SEPTIN2: variants seen among roughly 807,000 people sequenced by gnomAD.
SEPTIN2 encodes septin-2.
Under a neutral mutation model 46.5 loss-of-function variants are expected in SEPTIN2, and 34 were observed. The observed-to-expected ratio is 0.73, with a 90% confidence interval of 0.56 to 0.97. SEPTIN2 has a LOEUF of 0.97. Among genes scored for constraint, SEPTIN2 ranks in the 50% least tolerant of loss-of-function variants. The pLI, the probability that SEPTIN2 is intolerant of heterozygous loss-of-function variation, is 0.00. For synonymous variants in SEPTIN2, 175 were observed against 153.4 expected, an observed-to-expected ratio of 1.14 and a Z score of -1.04; for missense variants, 347 against 448.4, an observed-to-expected ratio of 0.77 and a Z score of 2.04.
intron 3 of SEPTIN2, among the ~76,000 whole-genome samples, chr2:241,326,338 G>A (rs1432865461): frequency 1.3e-5 from 2 of 152,192 alleles, no homozygotes; most frequent in Non-Finnish European, 2.9e-5. Flanking sequence ...TACTCATTGT[G>A]TCAGCTAGGC....
chr2:241,339,240 A>C (rs978976997), intron 7 of SEPTIN2, among the ~76,000 whole-genome samples: 1 of 151,226 alleles, frequency 6.6e-6, no homozygotes, highest in Non-Finnish European at 1.5e-5. Context: ...AAAAATTACA[A>C]AAGTTAGCCG....
rs528246163 is a variant in SEPTIN2, at chr2:241,352,876, A to G, written c.*939A>G. The G allele has an allele frequency of 6.6e-6, 1 of 152,342 alleles. No homozygotes were observed. The highest frequency in any genetic ancestry group is 2.4e-5 in the African/African-American group (1 of 41,576). The allele number at this position is 152,342 out of a possible 1,614,324, so 9.4% of individuals were successfully genotyped here. ...TCTATTCAGAATCAAACCTTTTTAT[A>G]TTTTATACTGCACTTTAGTGTATTT... is the stretch of plus-strand genomic sequence containing the variant. On this transcript the variant is annotated 3_prime_UTR_variant, in exon 13 of 13. Transcript: ENST00000391971.
At chr2:241,333,425 A>G (rs1403794588) in intron 3 of SEPTIN2, among the ~76,000 whole-genome samples, 1 of 152,224 alleles carries the variant, frequency 6.6e-6, no homozygotes, top group African/African-American at 2.4e-5. Flanking sequence ...GGCATGTTCA[A>G]CACATTGTTT....
At position 241,324,299 on chromosome 2, in the gene SEPTIN2, C is replaced by T. The variant is rs894257656; in HGVS notation, c.9+58C>T. On this transcript the variant is annotated intron_variant, in intron 2 of 12. Transcript: ENST00000391971. ...GGAGAAATTGCTTTATGTTTTCAGA[C>T]TGTTGACAGTCGGGACTTATATGAT... 5.0e-6 allele frequency: 7 copies of T among 1,403,138 alleles called. No individual in the cohort carries two copies. In the African/African-American group the frequency reaches 7.2e-5, roughly 14 times the overall value. 86.9% of individuals were successfully genotyped at this position (1,403,138 alleles called of 1,614,324 possible). A position where few individuals can be genotyped will look rare whatever the true frequency, so the allele number is the denominator to read the frequency against.
rs781588435 is a variant in SEPTIN2, at chr2:241,335,118, A to T, written c.131-8A>T. On this transcript the variant is annotated splice_polypyrimidine_tract_variant and splice_region_variant and intron_variant, in intron 3 of 12. Transcript: ENST00000391971. ...AGGTCATGACAAGGTTTTTCTTTTT[A>T]TTTAAAGGTGAATCAGGTCTAGGAA... The T allele has an allele frequency of 6.2e-7, 1 of 1,602,460 alleles. No homozygotes were observed. The highest frequency in any genetic ancestry group is 8.5e-7 in the Non-Finnish European group (1 of 1,170,460).
At position 241,337,740 on chromosome 2, in the gene SEPTIN2, G is replaced by A; in HGVS notation, c.544G>A (p.Ala182Thr). Reference protein sequence around the residue: ...HNKVNIVPVIAKADTLTLKER... With the variant: ...HNKVNIVPVITKADTLTLKER... ...CAAGGTGAATATTGTGCCTGTCATT[G>A]CAAAAGCTGACACTCTCACCCTGAA... Residue 182 changes from alanine (A) to threonine (T), a missense_variant, in exon 7 of 13, where the codon GCA (alanine) becomes ACA (threonine). Transcript: ENST00000391971. 1.2e-6 allele frequency: 2 copies of A among 1,614,036 alleles called. No homozygotes were observed. The highest frequency in any genetic ancestry group is 8.5e-7 in the Non-Finnish European group (1 of 1,179,988).
Position 241,335,174 on chromosome 2 carries a change from C to A in SEPTIN2, c.179C>A (p.Thr60Asn). The change falls in exon 4 of 13, where the codon ACT becomes AAT. Residue 60 changes from threonine (T) to asparagine (N), a missense_variant. Thr to Asn is a moderately conservative substitution (Grantham distance 65). Coordinates refer to ENST00000391971, the MANE Select transcript of SEPTIN2 (RefSeq NM_004404.5). ...ACTCTCATAAACAGCCTATTCCTAA[C>A]TGATCTGTACCCAGAAAGAGTCATA... ...KSTLINSLFL[T>N]DLYPERVIPG... The A allele has an allele frequency of 6.2e-7, 1 of 1,613,860 alleles. No individual in the cohort carries two copies. The highest frequency in any genetic ancestry group is 2.2e-5 in the East Asian group (1 of 44,872).
rs2060885124 is a variant in SEPTIN2, at chr2:241,352,889, C to G, written c.*952C>G. 1 of 152,114 alleles carries G rather than the reference C, an allele frequency of 6.6e-6. No homozygotes were observed. Among genetic ancestry groups the G allele is most frequent in the African/African-American group, 2.4e-5 (1 of 41,394 alleles). The allele number at this position is 152,114 out of a possible 1,614,324, so 9.4% of individuals were successfully genotyped here. ...AAACCTTTTTATATTTTATACTGCA[C>G]TTTAGTGTATTTTCTGTCACTGTAG... On this transcript the variant is annotated 3_prime_UTR_variant, in exon 13 of 13. Coordinates refer to ENST00000391971, the MANE Select transcript of SEPTIN2 (RefSeq NM_004404.5).
intron 7 of SEPTIN2, among the ~76,000 whole-genome samples, chr2:241,342,615 A>G (rs2081411055): frequency 7.1e-6 from 1 of 140,678 alleles, no homozygotes; most frequent in South Asian, 2.2e-4. Context: ...AGCTCACTGC[A>G]AGCTCCGCCT....
chr2:241,324,194 CTG>C lies in SEPTIN2; in HGVS notation c.-17-16_-17-15del, dbSNP rs751137815. ...ACTATGTATGTGCGTTTATGTGTGTCTGTGTGTTTTTTTTTTAACAGACGAAG... is the reference window on the plus strand; with the variant it reads ...ACTATGTATGTGCGTTTATGTGTGTCTGTGTTTTTTTTTTAACAGACGAAG... On this transcript the variant is annotated intron_variant, in intron 1 of 12. Transcript: ENST00000391971. The C allele has an allele frequency of 3.2e-5, 51 of 1,606,478 alleles. 1 individual carries two copies. Among genetic ancestry groups the C allele is most frequent in the African/African-American group, 1.9e-4 (14 of 74,424 alleles).
intron 11 of SEPTIN2, 92 bp from the exon 12 acceptor site, chr2:241,349,981 G>C: frequency 2.4e-6 from 3 of 1,252,642 alleles, no homozygotes; most frequent in Non-Finnish European, 3.4e-6. Flanking sequence ...GGAAGGTGTA[G>C]AAGTTGAAAT....
At chr2:241,317,682 T>G in intron 1 of SEPTIN2, 2 of 409,176 alleles carry the variant, frequency 4.9e-6, no homozygotes, top group South Asian at 2.0e-4. Flanking sequence ...GAGTGTTATG[T>G]GGGTATACTG....
At chr2:241,343,631 C>G in intron 8 of SEPTIN2, 121 bp from the exon 9 acceptor site, 1 of 1,083,922 alleles carries the variant, frequency 9.2e-7, no homozygotes, top group South Asian at 1.6e-5. Flanking sequence ...ATACCCCCAG[C>G]TTTCCAATTC....
At chr2:241,334,506 C>G (rs1299056291) in intron 3 of SEPTIN2, among the ~76,000 whole-genome samples, 1 of 152,160 alleles carries the variant, frequency 6.6e-6, no homozygotes, top group Admixed American at 6.5e-5. Flanking sequence ...GTCGTGTGAA[C>G]TCAACAAAGT....
At chr2:241,342,534 A>ATTTTTTTT (rs548033372) in intron 7 of SEPTIN2, among the ~76,000 whole-genome samples, 14 of 87,004 alleles carry the variant, frequency 1.6e-4, no homozygotes, top group Admixed American at 1.7e-4. Flanking sequence ...AGTTTTGTAA[A>ATTTTTTTT]TTTTTTTTTT....
chr2:241,348,728 C>CT (rs2060506687), intron 11 of SEPTIN2, among the ~76,000 whole-genome samples: 1 of 151,830 alleles, frequency 6.6e-6, no homozygotes, highest in South Asian at 2.1e-4. Flanking sequence ...ATATATTTAG[C>CT]TGAAAGACTT....
intron 7 of SEPTIN2, among the ~76,000 whole-genome samples, chr2:241,338,944 A>T (rs1420302538): frequency 4.1e-5 from 4 of 97,994 alleles, no homozygotes; most frequent in Non-Finnish European, 7.5e-5. Flanking sequence ...TATTATATAT[A>T]TTATATATAT....
intron 2 of SEPTIN2, 149 bp from the exon 3 acceptor site, chr2:241,325,844 G>A: frequency 1.6e-6 from 1 of 610,382 alleles, no homozygotes; most frequent in East Asian, 3.1e-5. Flanking sequence ...CTGGTTTTCT[G>A]ATAGAAGTAT....
rs565666592 is a variant in SEPTIN2, at chr2:241,344,758, C to G, written c.842+861C>G. Among the ~76,000 whole-genome samples the G allele has an allele frequency of 2.0e-5, 3 of 152,060 alleles. No homozygotes were observed. In the East Asian group the frequency reaches 5.8e-4, roughly 29 times the overall value. ...CACATATTGTAACATGCATACATTG[C>G]TTTTACTCTTGAAAAAAGAGGCTGA... is the stretch of plus-strand genomic sequence containing the variant. On this transcript the variant is annotated intron_variant, in intron 9 of 12. Transcript: ENST00000391971.
Sources: gnomAD v4.1 joint callset for allele counts (sites outside exome capture counted in the v4.1 genomes callset) on GRCh38, gnomAD v4.1.1 for gene constraint, MANE v1.5 for transcripts, NCBI Gene and HGNC (gene_info 2026-07-23, HGNC 2026-07-21) for gene names.